Variants in PCGF3 observed in about 807,000 individuals in gnomAD.
The protein encoded by PCGF3 is polycomb group ring finger 3.
A neutral mutation model predicts 33.1 loss-of-function variants in PCGF3; 7 were observed. The ratio of observed to expected loss-of-function variants is 0.21; its 90% CI spans 0.12 to 0.40. PCGF3 has a LOEUF of 0.40. PCGF3 is among the 10% of genes least tolerant of loss of function. The pLI is 1.00. For synonymous variants in PCGF3, 153 were observed against 121.3 expected (o/e 1.26, Z -1.72); for missense variants, 211 against 313.3 (o/e 0.67, Z 2.46).
At chr4:730,370 GC>G (rs1177486011) in intron 1 of PCGF3, among the ~76,000 whole-genome samples, 2 of 151,950 alleles carry the variant, frequency 1.3e-5, no homozygotes, top group East Asian at 3.9e-4. Context: ...GCCCCCAGCT[GC>G]CCCCCCACCC....
At chr4:754,432 C>T (rs1259431386) in intron 8 of PCGF3, among the ~76,000 whole-genome samples, 2 of 152,174 alleles carry the variant, frequency 1.3e-5, no homozygotes, top group East Asian at 1.9e-4. Flanking sequence ...TCGCAGCCGG[C>T]GTGGTGAGGG....
At chr4:764,389 G>A (rs1161487357) in intron 9 of PCGF3, 2 of 152,472 alleles carry the variant, frequency 1.3e-5, no homozygotes, top group East Asian at 3.8e-4. Context: ...GTGGGGAGAG[G>A]GTGCCCCTGG....
chr4:707,751 A>G lies in PCGF3; in HGVS notation c.-190+1781A>G. Among the ~76,000 whole-genome samples the G allele has an allele frequency of 1.5e-5, 2 of 132,118 alleles. 1 individual carries two copies. Among genetic ancestry groups the G allele is most frequent in the South Asian group, 5.3e-4 (2 of 3,780 alleles). 86.7% of individuals were successfully genotyped at this position (132,118 alleles called of 152,430 possible). ...CACCTGGGGGCCGGGACCCTGAGAC[A>G]GCTCTGTTTTCACCTGGGGGCCGGG... On this transcript the variant is annotated intron_variant, in intron 1 of 10. Transcript: ENST00000362003.
intron 9 of PCGF3, 36 bp downstream of exon 9, chr4:761,452 T>G (rs751081716): frequency 4.6e-6 from 7 of 1,533,542 alleles, no homozygotes; most frequent in Non-Finnish European, 6.2e-6. Flanking sequence ...CCATAACAAG[T>G]CCTCTCTTAT....
intron 1 of PCGF3, among the ~76,000 whole-genome samples, chr4:728,809 C>T (rs73221121): frequency 0.21 from 32,389 of 151,998 alleles, 4,010 homozygotes; most frequent in Middle Eastern, 0.29. Context: ...ATTAAAAATT[C>T]GTTCGGTTGG....
chr4:738,345 A>G (rs1743927284), intron 6 of PCGF3, among the ~76,000 whole-genome samples: 1 of 152,280 alleles, frequency 6.6e-6, no homozygotes, highest in Non-Finnish European at 1.5e-5. Flanking sequence ...TCATGCAGGA[A>G]GAATTTAGAT....
At chr4:733,873 C>A (rs569400102) in intron 4 of PCGF3, 84 bp downstream of exon 4, 1 of 1,607,878 alleles carries the variant, frequency 6.2e-7, no homozygotes, top group Admixed American at 1.7e-5. Context: ...TGTGTTACCA[C>A]ACGCTTTTAG....
At chr4:718,620 G>A (rs951136106) in intron 1 of PCGF3, among the ~76,000 whole-genome samples, 2 of 152,250 alleles carry the variant, frequency 1.3e-5, no homozygotes, top group African/African-American at 4.8e-5. Flanking sequence ...ACAGTGCCAC[G>A]GTCCACGGAG....
chr4:748,431 C>T (rs1164110329), intron 8 of PCGF3, among the ~76,000 whole-genome samples: 2 of 152,178 alleles, frequency 1.3e-5, no homozygotes, highest in Non-Finnish European at 2.9e-5. Flanking sequence ...AACTTCTGGC[C>T]CGCCTCAGCC....
At position 721,288 on chromosome 4, in the gene PCGF3, A is replaced by G. The variant is rs12511589; in HGVS notation, c.-189-9342A>G. 6.6e-6 allele frequency among the ~76,000 whole-genome samples: 1 copy of G among 152,200 alleles called. No homozygotes were observed. The highest frequency in any genetic ancestry group is 6.5e-5 in the Admixed American group (1 of 15,294). ...GAATCTCAGGAGCTGTTTTCTGGAA[A>G]GTTCCATAACTCAGCAAAACTGACT... On this transcript the variant is annotated intron_variant, in intron 1 of 10. Transcript: ENST00000362003. The surrounding 1 kb of genome is among the most constrained non-coding windows in gnomAD (Gnocchi z 4.1).
At chr4:769,286 A>G (rs941637826) in exon 11 of PCGF3, 5 of 152,702 alleles carry the variant, frequency 3.3e-5, no homozygotes, top group Admixed American at 1.3e-4. Flanking sequence ...CAGCAACAGA[A>G]CAGTGTTCAC....
At chr4:744,502 G>A in intron 7 of PCGF3, 98 bp from the exon 8 acceptor site, 1 of 902,900 alleles carries the variant, frequency 1.1e-6, no homozygotes, top group Non-Finnish European at 1.8e-6. Flanking sequence ...GTCTCTTAAT[G>A]GAGTGAATTT....
chr4:721,817 G>A lies in PCGF3; in HGVS notation c.-189-8813G>A, dbSNP rs550119036. Among the ~76,000 whole-genome samples, 43 of 144,166 alleles carry A rather than the reference G, an allele frequency of 3.0e-4. No homozygotes were observed. The highest frequency in any genetic ancestry group is 9.9e-4 in the African/African-American group (39 of 39,230). The allele number at this position is 144,166 out of a possible 152,430, so 94.6% of individuals were successfully genotyped here. The stretch of plus-strand genomic sequence containing the variant: ...GGGCATGGGGAGGGGCCTGTGGGAG[G>A]TGGGTGGATGGGTGTCTCTGCATGT... On this transcript the variant is annotated intron_variant, in intron 1 of 10. Transcript: ENST00000362003. The surrounding 1 kb of genome is among the most constrained non-coding windows in gnomAD (Gnocchi z 4.1).
At chr4:765,939 G>A (rs565133215) in intron 10 of PCGF3, 93 bp from the exon 11 acceptor site, 65 of 1,120,270 alleles carry the variant, frequency 5.8e-5, no homozygotes, top group Middle Eastern at 4.0e-4. Context: ...TGTGCCTCAC[G>A]GGACGTGATT....
intron 7 of PCGF3, among the ~76,000 whole-genome samples, chr4:744,342 C>T (rs561023541): frequency 1.3e-5 from 2 of 152,360 alleles, no homozygotes; most frequent in South Asian, 4.1e-4. Flanking sequence ...CTGTGTCCCA[C>T]GCCGGCTCCG....
At chr4:737,596 G>T in intron 6 of PCGF3, 75 bp downstream of exon 6, 1 of 933,596 alleles carries the variant, frequency 1.1e-6, no homozygotes, top group East Asian at 2.4e-5. Flanking sequence ...CTGGAAGTTT[G>T]GTTCTCGGAT....
At chr4:728,905 G>A (rs1162025655) in intron 1 of PCGF3, among the ~76,000 whole-genome samples, 2 of 151,976 alleles carry the variant, frequency 1.3e-5, no homozygotes, top group African/African-American at 2.4e-5. Flanking sequence ...TTCGAGACCA[G>A]CCTGGGCAAC....
chr4:731,152 C>T (rs552106194), intron 3 of PCGF3, 42 bp downstream of exon 3: 26 of 398,498 alleles, frequency 6.5e-5, no homozygotes, highest in Middle Eastern at 6.2e-4. Context: ...CTGCTGACTC[C>T]TTGCCCTGCC....
rs1385631950 is a variant in PCGF3, at chr4:709,689, CT to C, written c.-190+3720del. 8.5e-5 allele frequency among the ~76,000 whole-genome samples: 13 copies of C among 152,366 alleles called. No individual in the cohort carries two copies. The South Asian group carries it at 2.7e-3, about 32-fold the overall frequency. The stretch of plus-strand genomic sequence containing the variant: ...ACCCTAAAACTCTGAGCTATCTAGA[CT>C]CCCAAGAGAGACACTGAATTGGATG... On this transcript the variant is annotated intron_variant, in intron 1 of 10. Transcript: ENST00000362003.
Sources: allele counts gnomAD v4.1 joint callset (sites outside exome capture counted in the v4.1 genomes callset), GRCh38; gene constraint gnomAD v4.1.1; non-coding constraint Gnocchi (gnomAD v3.1); transcripts MANE v1.5; gene names NCBI Gene and HGNC (gene_info 2026-07-23, HGNC 2026-07-21).